The following INSL6 variants were observed in gnomAD, a reference collection of about 807,000 sequenced individuals.
INSL6 encodes the protein insulin-like peptide INSL6.
INSL6 carries 16 observed loss-of-function variants against 9.4 expected under a neutral mutation model. The observed-to-expected ratio is 1.70, with a 90% confidence interval of 1.15 to 2.59. The LOEUF is 2.59. INSL6 is among the 30% of genes most tolerant of loss of function. The probability of loss-of-function intolerance (pLI) is 0.00; values close to 1 mark genes in which losing one functional copy is unlikely to be tolerated. For synonymous variants in INSL6, 154 were observed against 96.9 expected (o/e 1.59, Z -3.46); for missense variants, 391 against 257.3 (o/e 1.52, Z -3.56).
the INSL6 span, chr9:5,112,707 G>C: frequency 7.0e-6 from 6 of 858,452 alleles, no homozygotes; most frequent in Non-Finnish European, 1.0e-5. Context: ...CAGCAAGTGC[G>C]AGAGCGGAAC....
chr9:4,993,106 T>A, the INSL6 span, among the ~76,000 whole-genome samples: 4 of 152,186 alleles, frequency 2.6e-5, no homozygotes, highest in Non-Finnish European at 5.9e-5. Flanking sequence ...ACAACTCCTT[T>A]AAAAACTTTG....
chr9:5,154,907 G>T (rs971770718), intron 2 of INSL6, among the ~76,000 whole-genome samples: 1 of 152,100 alleles, frequency 6.6e-6, no homozygotes, highest in Non-Finnish European at 1.5e-5. Flanking sequence ...CATTGTGGAA[G>T]TCAGTGTGGC....
chr9:5,080,815 A>G, the INSL6 span: 2 of 557,240 alleles, frequency 3.6e-6, no homozygotes, highest in Non-Finnish European at 5.9e-6. Flanking sequence ...TCTTATGTTC[A>G]TATGGCTTTT....
chr9:5,065,553 A>C, the INSL6 span, among the ~76,000 whole-genome samples: 3 of 152,236 alleles, frequency 2.0e-5, no homozygotes, highest in East Asian at 5.8e-4. Context: ...GTGGCTGTTT[A>C]GCATTTGAGA....
At chr9:5,130,815 G>C (rs181924636) in intron 3 of INSL6, among the ~76,000 whole-genome samples, 1 of 150,578 alleles carries the variant, frequency 6.6e-6, no homozygotes, top group African/African-American at 2.4e-5. Flanking sequence ...TGCAAGCTCC[G>C]CCTCCCGGGT....
At chr9:5,077,692 G>T in the INSL6 span, 1 of 597,366 alleles carries the variant, frequency 1.7e-6, no homozygotes, top group Non-Finnish European at 2.7e-6. Flanking sequence ...GCCAATTCAT[G>T]TAAAATAGTC....
chr9:5,006,943 A>G, the INSL6 span, among the ~76,000 whole-genome samples: 1 of 152,178 alleles, frequency 6.6e-6, no homozygotes, highest in East Asian at 1.9e-4. Flanking sequence ...TGTCTTTTAC[A>G]TGTTTCAATA....
chr9:5,069,908 G>A, the INSL6 span: 18 of 1,536,666 alleles, frequency 1.2e-5, no homozygotes, highest in South Asian at 1.2e-4. Context: ...TGATATATAT[G>A]TATTTTATTT....
downstream of INSL6, among the ~76,000 whole-genome samples, chr9:5,120,430 T>A (rs955708630): frequency 2.0e-5 from 3 of 152,254 alleles, no homozygotes; most frequent in Non-Finnish European, 2.9e-5. Flanking sequence ...ATCATTTTTT[T>A]AAAAACTCAA....
intron 2 of INSL6, among the ~76,000 whole-genome samples, chr9:5,151,742 A>C (rs1824717352): frequency 6.6e-6 from 1 of 152,216 alleles, no homozygotes; most frequent in African/African-American, 2.4e-5. Context: ...AATGCAACAG[A>C]TCAGATGGAA....
intron 2 of INSL6, among the ~76,000 whole-genome samples, chr9:5,137,073 C>T (rs929083067): frequency 3.3e-5 from 5 of 151,890 alleles, no homozygotes; most frequent in Non-Finnish European, 5.9e-5. Flanking sequence ...ATGTGAAGGA[C>T]CTCTTCAAGG....
chr9:5,150,083 T>A (rs752175200), intron 2 of INSL6, among the ~76,000 whole-genome samples: 1 of 152,146 alleles, frequency 6.6e-6, no homozygotes, highest in Non-Finnish European at 1.5e-5. Context: ...TCTCACCAAA[T>A]ACAAAAATTA....
the INSL6 span, among the ~76,000 whole-genome samples, chr9:5,027,899 A>G: frequency 6.6e-6 from 1 of 152,162 alleles, no homozygotes; most frequent in African/African-American, 2.4e-5. Context: ...TGTTACTTCT[A>G]CCACATCTGC....
At chr9:5,053,634 T>C in the INSL6 span, among the ~76,000 whole-genome samples, 2 of 151,994 alleles carry the variant, frequency 1.3e-5, no homozygotes, top group African/African-American at 2.4e-5. Flanking sequence ...GAGGGATAAA[T>C]GGAAGGCAAG....
At chr9:5,050,054 G>A in the INSL6 span, among the ~76,000 whole-genome samples, 2 of 151,910 alleles carry the variant, frequency 1.3e-5, no homozygotes, top group African/African-American at 2.4e-5. Flanking sequence ...ACCACTTGTA[G>A]TATGATACTT....
chr9:5,023,592 T>A, the INSL6 span, among the ~76,000 whole-genome samples: 1 of 152,208 alleles, frequency 6.6e-6, no homozygotes, highest in African/African-American at 2.4e-5. Flanking sequence ...ATGTGGACCA[T>A]TGGGCATCTC....
intron 2 of INSL6, among the ~76,000 whole-genome samples, chr9:5,147,991 TTGA>T (rs1824635225): frequency 6.6e-6 from 1 of 152,208 alleles, no homozygotes; most frequent in African/African-American, 2.4e-5. Flanking sequence ...TTTCTCAATC[TTGA>T]TGAGCTTCCT....
the INSL6 span, among the ~76,000 whole-genome samples, chr9:5,043,066 C>G: frequency 6.6e-6 from 1 of 152,202 alleles, no homozygotes; most frequent in Non-Finnish European, 1.5e-5. Flanking sequence ...GGCTTCCTGT[C>G]TCTGTGCTCC....
chr9:5,153,355 G>A (rs1029080488), intron 2 of INSL6, among the ~76,000 whole-genome samples: 2 of 152,150 alleles, frequency 1.3e-5, no homozygotes, highest in African/African-American at 2.4e-5. Context: ...CTTGGTGCAC[G>A]GAGGAGCATC....
Sources: gnomAD v4.1 joint callset for allele counts (sites outside exome capture counted in the v4.1 genomes callset) on GRCh38, gnomAD v4.1.1 for gene constraint, MANE v1.5 for transcripts, NCBI Gene and HGNC (gene_info 2026-07-23, HGNC 2026-07-21) for gene names.